The following CXCL13 variants were observed in gnomAD, a reference collection of about 807,000 sequenced individuals.
CXCL13 encodes C-X-C motif chemokine 13.
A neutral mutation model predicts 12.2 loss-of-function variants in CXCL13; 7 were observed. The ratio of observed to expected loss-of-function variants is 0.57; its 90% CI spans 0.33 to 1.07. CXCL13 has a LOEUF of 1.07. CXCL13 is among the 50% of genes least tolerant of loss of function. The probability of loss-of-function intolerance (pLI) is 0.04; values close to 1 mark genes in which losing one functional copy is unlikely to be tolerated. For missense variants in CXCL13, 113 were observed against 127.4 expected, an observed-to-expected ratio of 0.89 and a Z score of 0.55; for synonymous variants, 47 against 42.4, an observed-to-expected ratio of 1.11 and a Z score of -0.42.
chr4:77,606,423 T>G (rs1260080455), intron 1 of CXCL13, among the ~76,000 whole-genome samples: 2 of 152,218 alleles, frequency 1.3e-5, no homozygotes, highest in African/African-American at 2.4e-5. Flanking sequence ...AGAAGCAGAC[T>G]TCCATGTCTA....
chr4:77,569,378 C>T (rs1726010423), intron 1 of CXCL13, among the ~76,000 whole-genome samples: 1 of 152,196 alleles, frequency 6.6e-6, no homozygotes, highest in Non-Finnish European at 1.5e-5. Context: ...ATAATCTCAG[C>T]CCAAAAGCTT....
chr4:77,604,331 A>G (rs146034468), upstream of CXCL13, among the ~76,000 whole-genome samples: 2 of 152,224 alleles, frequency 1.3e-5, no homozygotes, highest in Non-Finnish European at 2.9e-5. Context: ...CCCCTGCCCA[A>G]TTCAGCCTCC....
At chr4:77,603,055 G>T (rs1726913688), upstream of CXCL13, among the ~76,000 whole-genome samples, 4 of 152,242 alleles carry the variant, frequency 2.6e-5, 1 homozygote, top group South Asian at 6.2e-4. Context: ...TGACCTGGTG[G>T]TCCTATTTTT....
intron 1 of CXCL13, among the ~76,000 whole-genome samples, chr4:77,581,543 A>T (rs1726333854): frequency 6.6e-6 from 1 of 152,134 alleles, no homozygotes; most frequent in South Asian, 2.1e-4. Flanking sequence ...TCTTCCAGGA[A>T]CCACCTCTTG....
At chr4:77,599,111 C>A (rs897976312) in intron 1 of CXCL13, among the ~76,000 whole-genome samples, 1 of 152,064 alleles carries the variant, frequency 6.6e-6, no homozygotes, top group African/African-American at 2.4e-5. Flanking sequence ...ACCCGGCCAG[C>A]CCCAACACTA....
At chr4:77,516,766 G>T (rs1724431916) in intron 1 of CXCL13, among the ~76,000 whole-genome samples, 1 of 152,044 alleles carries the variant, frequency 6.6e-6, no homozygotes, top group African/African-American at 2.4e-5. Flanking sequence ...CCAGCTCCTG[G>T]ATTCATTAAT....
intron 1 of CXCL13, among the ~76,000 whole-genome samples, chr4:77,534,440 C>T (rs187558017): frequency 1.9e-3 from 289 of 152,228 alleles, no homozygotes; most frequent in African/African-American, 6.6e-3. Flanking sequence ...TACTCAACAA[C>T]CTGGATAAAT....
At chr4:77,609,300 GT>G (rs544006052) in intron 2 of CXCL13, among the ~76,000 whole-genome samples, 4,079 of 146,646 alleles carry the variant, frequency 0.028, 70 homozygotes, top group Non-Finnish European at 0.042. Flanking sequence ...TGTGTTTTGG[GT>G]TTTTTTTTTG....
intron 1 of CXCL13, among the ~76,000 whole-genome samples, chr4:77,540,660 C>T (rs746168332): frequency 2.6e-5 from 4 of 152,140 alleles, no homozygotes; most frequent in Non-Finnish European, 5.9e-5. Context: ...TTTCTTCATA[C>T]ATTCTGCCAC....
chr4:77,543,991 T>C (rs1471301042), intron 1 of CXCL13, among the ~76,000 whole-genome samples: 1 of 152,114 alleles, frequency 6.6e-6, no homozygotes, highest in East Asian at 1.9e-4. Context: ...AGTGAGAACA[T>C]ATGGTGTTTG....
intron 1 of CXCL13, among the ~76,000 whole-genome samples, chr4:77,512,570 G>T (rs553251511): frequency 2.0e-4 from 31 of 152,066 alleles, no homozygotes; most frequent in Admixed American, 3.3e-4. Flanking sequence ...CTGTGTGTCT[G>T]TGTCCAAATT....
At chr4:77,583,179 T>G (rs1480664743) in intron 1 of CXCL13, among the ~76,000 whole-genome samples, 1 of 152,184 alleles carries the variant, frequency 6.6e-6, no homozygotes, top group Non-Finnish European at 1.5e-5. Context: ...AGCTTCTACT[T>G]TAATCCCTGG....
chr4:77,587,172 T>C (rs1726494291), intron 1 of CXCL13, among the ~76,000 whole-genome samples: 1 of 152,152 alleles, frequency 6.6e-6, no homozygotes, highest in African/African-American at 2.4e-5. Context: ...ATCCGGTAAG[T>C]CTGATGTCTT....
chr4:77,541,849 G>A (rs1372350551), intron 1 of CXCL13, among the ~76,000 whole-genome samples: 1 of 152,148 alleles, frequency 6.6e-6, no homozygotes, highest in East Asian at 1.9e-4. Context: ...CATGAGCATG[G>A]AATGTTTTTC....
At chr4:77,575,561 C>T (rs1348190049) in intron 1 of CXCL13, among the ~76,000 whole-genome samples, 1 of 151,788 alleles carries the variant, frequency 6.6e-6, no homozygotes, top group Non-Finnish European at 1.5e-5. Flanking sequence ...GTTTTCTGTC[C>T]ATGTGATATT....
intron 1 of CXCL13, among the ~76,000 whole-genome samples, chr4:77,523,930 C>T (rs1724689508): frequency 6.6e-6 from 1 of 152,138 alleles, no homozygotes; most frequent in African/African-American, 2.4e-5. Context: ...GATGCTATTC[C>T]TTTCTGTTTG....
intron 1 of CXCL13, among the ~76,000 whole-genome samples, chr4:77,522,266 C>T (rs1403748846): frequency 6.6e-6 from 1 of 150,664 alleles, no homozygotes; most frequent in East Asian, 2.0e-4. Context: ...GGATATCTGT[C>T]TAATATTGAC....
At chr4:77,558,269 G>A (rs1461325044) in intron 1 of CXCL13, among the ~76,000 whole-genome samples, 2 of 152,238 alleles carry the variant, frequency 1.3e-5, no homozygotes, top group Non-Finnish European at 2.9e-5. Flanking sequence ...TCCTGAGATG[G>A]GCACCTGTTA....
At chr4:77,526,858 C>T (rs1724779364) in intron 1 of CXCL13, among the ~76,000 whole-genome samples, 1 of 152,098 alleles carries the variant, frequency 6.6e-6, no homozygotes, top group African/African-American at 2.4e-5. Context: ...GAAGGGCCAG[C>T]CACTTGAACA....
Sources: allele counts gnomAD v4.1 joint callset (sites outside exome capture counted in the v4.1 genomes callset), GRCh38; gene constraint gnomAD v4.1.1; transcripts MANE v1.5; gene names NCBI Gene and HGNC (gene_info 2026-07-23, HGNC 2026-07-21).